The following NOPCHAP1 variants were observed in gnomAD, a reference collection of about 807,000 sequenced individuals.
NOPCHAP1 encodes DNA damage-sensitive RNA 1.
A neutral mutation model predicts 14.0 loss-of-function variants in NOPCHAP1; 13 were observed. That is an observed-to-expected ratio of 0.93 (90% confidence interval 0.60 to 1.47). The LOEUF (loss-of-function observed/expected upper bound fraction) is 1.47, where lower values mean the gene tolerates loss of function less well. Among genes scored for constraint, NOPCHAP1 ranks in the 40% most tolerant of loss-of-function variants. The pLI is 0.00. For synonymous variants in NOPCHAP1, 78 were observed against 78.4 expected (o/e 1.00, Z 0.03); for missense variants, 230 against 226.9 (o/e 1.01, Z -0.09).
rs1175443246 is a variant in NOPCHAP1, at chr12:105,013,697, G to A, written c.*19001G>A. On this transcript the variant is annotated 3_prime_UTR_variant, in exon 4 of 4. Transcript: ENST00000552951. ...TGGGCCGGAGTGCACCGTTCCTCACGGCACAGTATCTCATGGCTTCCCTTG... is the reference window on the plus strand; with the variant it reads ...TGGGCCGGAGTGCACCGTTCCTCACAGCACAGTATCTCATGGCTTCCCTTG... 2.0e-5 allele frequency: 3 copies of A among 152,366 alleles called. No individual in the cohort carries two copies. The highest frequency in any genetic ancestry group is 2.9e-5 in the Non-Finnish European group (2 of 68,194). 9.4% of individuals were successfully genotyped at this position (152,366 alleles called of 1,614,324 possible).
intron 3 of NOPCHAP1, among the ~76,000 whole-genome samples, chr12:104,992,622 A>G (rs1484137516): frequency 1.3e-5 from 2 of 152,126 alleles, no homozygotes; most frequent in Admixed American, 6.5e-5. Flanking sequence ...GTGGACTGGT[A>G]CTGGTCTGTG....
chr12:105,010,392 GTCTA>G lies in NOPCHAP1; in HGVS notation c.*15702_*15705del, dbSNP rs1388146078. On this transcript the variant is annotated 3_prime_UTR_variant, in exon 4 of 4. Coordinates refer to ENST00000552951, the MANE Select transcript of NOPCHAP1 (RefSeq NM_152318.3). ...TTCTTCTTTATTAATTGGGCTTGTG[GTCTA>G]TCTATTTTGTTAATCTTCTCAAAAA... 4 of 152,032 alleles carry G rather than the reference GTCTA, an allele frequency of 2.6e-5. No individual in the cohort carries two copies. The highest frequency in any genetic ancestry group is 4.8e-5 in the African/African-American group (2 of 41,380). The allele number at this position is 152,032 out of a possible 1,614,324, so 9.4% of individuals were successfully genotyped here. A position where few individuals can be genotyped will look rare whatever the true frequency, so the allele number is the denominator to read the frequency against.
rs2136028294 is a variant in NOPCHAP1, at chr12:104,996,660, G to A, written c.*1964G>A. On this transcript the variant is annotated 3_prime_UTR_variant, in exon 4 of 4. Coordinates refer to ENST00000552951, the MANE Select transcript of NOPCHAP1 (RefSeq NM_152318.3). ...TTGGTTGCTTAGGTCCTGATCATCT[G>A]TGTTAGCTTTCTGCCTTGATGATCT... 1 of 152,274 alleles carries A rather than the reference G, an allele frequency of 6.6e-6. No individual in the cohort carries two copies. Among genetic ancestry groups the A allele is most frequent in the East Asian group, 1.9e-4 (1 of 5,186 alleles). The allele number at this position is 152,274 out of a possible 1,614,324, so 9.4% of individuals were successfully genotyped here.
chr12:104,986,320 A>G lies in NOPCHAP1; in HGVS notation c.-33A>G, dbSNP rs759090138. The G allele has an allele frequency of 7.0e-6, 11 of 1,566,342 alleles. No individual in the cohort carries two copies. The South Asian group carries it at 1.2e-4, about 17-fold the overall frequency. The stretch of plus-strand genomic sequence containing the variant: ...CCCCTTACCCGAGCCTTTTTCCTGC[A>G]TCCGGGCCTGAGAGTGCAGGCTTGA... On this transcript the variant is annotated 5_prime_UTR_variant, in exon 1 of 4. Coordinates refer to ENST00000552951, the MANE Select transcript of NOPCHAP1 (RefSeq NM_152318.3).
In NOPCHAP1 at chr12:105,010,304, G is replaced by A. The variant is rs1164688067; in HGVS notation, c.*15608G>A. 6.6e-6 allele frequency: 1 copy of A among 152,054 alleles called. No individual in the cohort carries two copies. Among genetic ancestry groups the A allele is most frequent in the Non-Finnish European group, 1.5e-5 (1 of 68,010 alleles). The allele number at this position is 152,054 out of a possible 1,614,324, so 9.4% of individuals were successfully genotyped here. On this transcript the variant is annotated 3_prime_UTR_variant, in exon 4 of 4. Coordinates refer to ENST00000552951, the MANE Select transcript of NOPCHAP1 (RefSeq NM_152318.3). ...TTCTCTGATGGTGGTTTGTATTTCT[G>A]TGGGATCAGTGATGATATCCCCTTT...
rs1043942930 is a variant in NOPCHAP1 at position 105,004,497 on chromosome 12, T to G, written c.*9801T>G. ...AGAAGAGTCACTTGAACCCAGGAGG[T>G]GGAGGTTGCAGTGAGCTGAGCTCAC... On this transcript the variant is annotated 3_prime_UTR_variant, in exon 4 of 4. Transcript: ENST00000552951. 1 of 151,570 alleles carries G rather than the reference T, an allele frequency of 6.6e-6. No individual in the cohort carries two copies. Among genetic ancestry groups the G allele is most frequent in the Non-Finnish European group, 1.5e-5 (1 of 67,908 alleles). The allele number at this position is 151,570 out of a possible 1,614,324, so 9.4% of individuals were successfully genotyped here.
intron 3 of NOPCHAP1, among the ~76,000 whole-genome samples, chr12:104,992,087 A>G (rs1322144073): frequency 6.6e-6 from 1 of 152,126 alleles, no homozygotes; most frequent in Non-Finnish European, 1.5e-5. Context: ...AATTTACTCG[A>G]TGTCCTAACT....
Position 105,008,063 on chromosome 12 carries a change from G to A in NOPCHAP1, c.*13367G>A, listed in dbSNP as rs1873742236. Reference sequence around the variant, plus strand: ...ATGGTATTTCTAGTTCTAGATCCTTGAGGAATTGCCACACTGTCTTCCACA... The same window carrying A: ...ATGGTATTTCTAGTTCTAGATCCTTAAGGAATTGCCACACTGTCTTCCACA... On this transcript the variant is annotated 3_prime_UTR_variant, in exon 4 of 4. Coordinates refer to ENST00000552951, the MANE Select transcript of NOPCHAP1 (RefSeq NM_152318.3). 1 of 152,184 alleles carries A rather than the reference G, an allele frequency of 6.6e-6. No individual in the cohort carries two copies. The highest frequency in any genetic ancestry group is 1.5e-5 in the Non-Finnish European group (1 of 68,032). 9.4% of individuals were successfully genotyped at this position (152,184 alleles called of 1,614,324 possible).
chr12:104,991,920 A>G, intron 3 of NOPCHAP1, 72 bp downstream of exon 3: 3 of 1,497,218 alleles, frequency 2.0e-6, no homozygotes, highest in Admixed American at 2.5e-5. Context: ...GAACTTTTCC[A>G]TTTTATTTTC....
At chr12:104,993,832 G>C (rs529234879) in intron 3 of NOPCHAP1, among the ~76,000 whole-genome samples, 4 of 152,026 alleles carry the variant, frequency 2.6e-5, no homozygotes, top group Non-Finnish European at 5.9e-5. Flanking sequence ...CCAAAGCGAG[G>C]GGTTTGTTTT....
At position 105,001,926 on chromosome 12, in the gene NOPCHAP1, C is replaced by A. The variant is rs768761966; in HGVS notation, c.*7230C>A. 6.6e-6 allele frequency: 1 copy of A among 151,758 alleles called. No individual in the cohort carries two copies. The highest frequency in any genetic ancestry group is 1.5e-5 in the Non-Finnish European group (1 of 67,910). 9.4% of individuals were successfully genotyped at this position (151,758 alleles called of 1,614,324 possible). A position where few individuals can be genotyped will look rare whatever the true frequency, so the allele number is the denominator to read the frequency against. ...AATAGTACTTTGAGTTGCTGTTTAT[C>A]CATGTTTATTTAAAGGTATTATGGG... On this transcript the variant is annotated 3_prime_UTR_variant, in exon 4 of 4. Coordinates refer to ENST00000552951, the MANE Select transcript of NOPCHAP1 (RefSeq NM_152318.3).
At chr12:104,988,374 C>A (rs917053789) in intron 2 of NOPCHAP1, 121 bp downstream of exon 2, 1 of 649,784 alleles carries the variant, frequency 1.5e-6, no homozygotes. Context: ...GGAACAAGTC[C>A]TACTTGGGAT....
At position 105,004,664 on chromosome 12, in the gene NOPCHAP1, A is replaced by T. The variant is rs1380360578; in HGVS notation, c.*9968A>T. ...TAAAGTCAAACTTGTCACCATCAAG[A>T]TGGGTTTAATGAGGGAGGAATATGT... is the stretch of plus-strand genomic sequence containing the variant. On this transcript the variant is annotated 3_prime_UTR_variant, in exon 4 of 4. Coordinates refer to ENST00000552951, the MANE Select transcript of NOPCHAP1 (RefSeq NM_152318.3). 1 of 152,234 alleles carries T rather than the reference A, an allele frequency of 6.6e-6. No individual in the cohort carries two copies. The highest frequency in any genetic ancestry group is 1.5e-5 in the Non-Finnish European group (1 of 68,034). The allele number at this position is 152,234 out of a possible 1,614,324, so 9.4% of individuals were successfully genotyped here.
At chr12:104,990,372 A>C (rs1873345449) in intron 2 of NOPCHAP1, among the ~76,000 whole-genome samples, 1 of 152,188 alleles carries the variant, frequency 6.6e-6, no homozygotes, top group Non-Finnish European at 1.5e-5. Flanking sequence ...AATATATTTA[A>C]ATCTGAGGAC....
At chr12:104,992,556 G>T (rs960602035) in intron 3 of NOPCHAP1, among the ~76,000 whole-genome samples, 32 of 152,108 alleles carry the variant, frequency 2.1e-4, no homozygotes, top group African/African-American at 7.0e-4. Flanking sequence ...TCCTTCAAAG[G>T]GTCCATATGA....
chr12:104,988,159 A>G lies in NOPCHAP1; in HGVS notation c.116-8A>G. On this transcript the variant is annotated splice_region_variant and splice_polypyrimidine_tract_variant and intron_variant, in intron 1 of 3. Transcript: ENST00000552951. ...AAATTAAGGGTGTTTGTGTGTCTGT[A>G]TTTTCAGGTATATGGGACAGGTTGC... 1.9e-6 allele frequency: 3 copies of G among 1,600,116 alleles called. No individual in the cohort carries two copies. The highest frequency in any genetic ancestry group is 2.6e-6 in the Non-Finnish European group (3 of 1,168,398).
At position 105,007,988 on chromosome 12, in the gene NOPCHAP1, T is replaced by C. The variant is rs1028609189; in HGVS notation, c.*13292T>C. The C allele has an allele frequency of 3.3e-5, 5 of 152,250 alleles. No individual in the cohort carries two copies. Among genetic ancestry groups the C allele is most frequent in the African/African-American group, 1.2e-4 (5 of 41,464 alleles). The allele number at this position is 152,250 out of a possible 1,614,324, so 9.4% of individuals were successfully genotyped here. On this transcript the variant is annotated 3_prime_UTR_variant, in exon 4 of 4. Transcript: ENST00000552951. ...ACATACATGTGTCTTTATAGTAGAATGATTTATAATCCTTTGGATATATAC... is the reference window on the plus strand; with the variant it reads ...ACATACATGTGTCTTTATAGTAGAACGATTTATAATCCTTTGGATATATAC...
rs1275508342 is a variant in NOPCHAP1 at position 105,015,521 on chromosome 12, T to C, written c.*20825T>C. The C allele has an allele frequency of 6.6e-6, 1 of 152,250 alleles. No individual in the cohort carries two copies. Among genetic ancestry groups the C allele is most frequent in the Non-Finnish European group, 1.5e-5 (1 of 68,038 alleles). The allele number at this position is 152,250 out of a possible 1,614,324, so 9.4% of individuals were successfully genotyped here. On this transcript the variant is annotated 3_prime_UTR_variant, in exon 4 of 4. Transcript: ENST00000552951. ...CATAGTCAATCACAATATAAAAATATTAAATGGAACATTCCAGAAATAATA... is the reference window on the plus strand; with the variant it reads ...CATAGTCAATCACAATATAAAAATACTAAATGGAACATTCCAGAAATAATA...
In NOPCHAP1 at chr12:105,009,353, T is replaced by G. The variant is rs937534990; in HGVS notation, c.*14657T>G. 3.3e-5 allele frequency: 5 copies of G among 152,242 alleles called. No individual in the cohort carries two copies. The highest frequency in any genetic ancestry group is 1.2e-4 in the African/African-American group (5 of 41,456). The allele number at this position is 152,242 out of a possible 1,614,324, so 9.4% of individuals were successfully genotyped here. ...ACTTTTGCTGAAATTGCTTATCAGC[T>G]TAAGGAGTTTTTGGGCTAAGATGAT... On this transcript the variant is annotated 3_prime_UTR_variant, in exon 4 of 4. Coordinates refer to ENST00000552951, the MANE Select transcript of NOPCHAP1 (RefSeq NM_152318.3).
Sources: gnomAD v4.1 joint callset for allele counts (sites outside exome capture counted in the v4.1 genomes callset) on GRCh38, gnomAD v4.1.1 for gene constraint, MANE v1.5 for transcripts, NCBI Gene and HGNC (gene_info 2026-07-23, HGNC 2026-07-21) for gene names.